The following STAMBPL1 variants were observed in gnomAD, a reference collection of about 807,000 sequenced individuals.
The protein encoded by STAMBPL1 is AMSH-like protease.
STAMBPL1 carries 44 observed loss-of-function variants against 52.9 expected under a neutral mutation model. That is an observed-to-expected ratio of 0.83 (90% confidence interval 0.65 to 1.07). The LOEUF is 1.07. STAMBPL1 is among the 50% of genes least tolerant of loss of function. The probability of loss-of-function intolerance (pLI) is 0.00; values close to 1 mark genes in which losing one functional copy is unlikely to be tolerated. For synonymous variants in STAMBPL1, 164 were observed against 177.3 expected (o/e 0.92, Z 0.60); for missense variants, 511 against 520.8 (o/e 0.98, Z 0.18).
intron 1 of STAMBPL1, among the ~76,000 whole-genome samples, chr10:88,897,519 CA>C (rs1333104977): frequency 6.6e-6 from 1 of 152,146 alleles, no homozygotes; most frequent in Non-Finnish European, 1.5e-5. Context: ...AAACAGATCA[CA>C]AGGCTGTAGT....
At chr10:88,900,134 A>C (rs1490278349) in intron 1 of STAMBPL1, among the ~76,000 whole-genome samples, 2 of 152,180 alleles carry the variant, frequency 1.3e-5, no homozygotes, top group African/African-American at 4.8e-5. Flanking sequence ...GAGGGGAAAG[A>C]CTGGAATACA....
rs571630253 is a variant in STAMBPL1, at chr10:88,923,246, G to A, written c.*22G>A. On this transcript the variant is annotated 3_prime_UTR_variant, in exon 11 of 11. Coordinates refer to ENST00000371926, the MANE Select transcript of STAMBPL1 (RefSeq NM_020799.4). ...GTGATATGTTCTGAATGTAAGCACC[G>A]TCAACATCAGACACCTACTCATGGA... 2.2e-5 allele frequency: 35 copies of A among 1,583,984 alleles called. No homozygotes were observed. Among genetic ancestry groups the A allele is most frequent in the African/African-American group, 1.9e-4 (14 of 73,270 alleles).
At chr10:88,880,806 T>C (rs911185299) in intron 1 of STAMBPL1, among the ~76,000 whole-genome samples, 168 bp downstream of exon 1, 2 of 152,136 alleles carry the variant, frequency 1.3e-5, no homozygotes, top group South Asian at 4.1e-4. Context: ...GCTGATCGCT[T>C]CCTTCCTGCC....
At chr10:88,902,059 C>T (rs528485386) in intron 2 of STAMBPL1, among the ~76,000 whole-genome samples, 1 of 152,294 alleles carries the variant, frequency 6.6e-6, no homozygotes, top group South Asian at 2.1e-4. Context: ...CTTTGTGCCT[C>T]AGCTACTTTA....
intron 10 of STAMBPL1, among the ~76,000 whole-genome samples, chr10:88,922,881 G>A (rs940505765): frequency 2.0e-5 from 3 of 151,822 alleles, no homozygotes; most frequent in Non-Finnish European, 4.4e-5. Context: ...ATTTGACTAC[G>A]CCTTTTTTTT....
chr10:88,894,103 T>C (rs933774722), intron 1 of STAMBPL1, among the ~76,000 whole-genome samples: 1 of 152,186 alleles, frequency 6.6e-6, no homozygotes. Context: ...GTGCTATATG[T>C]TTTACAAGCA....
At position 88,908,165 on chromosome 10, in the gene STAMBPL1, G is replaced by A. The variant is rs2231783; in HGVS notation, c.249-537G>A. Reference sequence around the variant, plus strand: ...TGCTGCTGTCTCTTGTTCCTCAAACGGTGACGAAAAATAATGAATTCCTAA... The same window carrying A: ...TGCTGCTGTCTCTTGTTCCTCAAACAGTGACGAAAAATAATGAATTCCTAA... On this transcript the variant is annotated intron_variant, in intron 3 of 10. Transcript: ENST00000371926. Among the ~76,000 whole-genome samples the A allele has an allele frequency of 8.8e-3, 1,346 of 152,222 alleles. 12 individuals carry two copies. The highest frequency in any genetic ancestry group is 0.02 in the Middle Eastern group (6 of 294).
Position 88,916,835 on chromosome 10 carries a change from G to T in STAMBPL1, c.1041+18G>T. 6.6e-7 allele frequency: 1 copy of T among 1,516,462 alleles called. No homozygotes were observed. The highest frequency in any genetic ancestry group is 8.9e-7 in the Non-Finnish European group (1 of 1,128,168). The allele number at this position is 1,516,462 out of a possible 1,614,324, so 93.9% of individuals were successfully genotyped here. On this transcript the variant is annotated intron_variant, in intron 8 of 10. Transcript: ENST00000371926. ...GGATCCATGTACGTTTGACCTTTTG[G>T]GTTTCAGTTTTTTTGTGTGTGTGGC...
Position 88,916,676 on chromosome 10 carries a change from T to A in STAMBPL1, c.904-4T>A. ...ATGTCATTCTTTCTGCTATTGTTTTTTAGACACATAATGAATTTACTATTA... is the reference window on the plus strand; with the variant it reads ...ATGTCATTCTTTCTGCTATTGTTTTATAGACACATAATGAATTTACTATTA... On this transcript the variant is annotated splice_polypyrimidine_tract_variant and splice_region_variant and intron_variant, in intron 7 of 10. Transcript: ENST00000371926. 1 of 1,592,392 alleles carries A rather than the reference T, an allele frequency of 6.3e-7. No homozygotes were observed. The highest frequency in any genetic ancestry group is 1.4e-5 in the African/African-American group (1 of 73,374).
chr10:88,894,245 A>G (rs754133262), intron 1 of STAMBPL1, among the ~76,000 whole-genome samples: 1 of 152,168 alleles, frequency 6.6e-6, no homozygotes, highest in Non-Finnish European at 1.5e-5. Flanking sequence ...TGGAGACTGC[A>G]TGTCTAATCC....
At chr10:88,892,208 CTG>C (rs1444520351) in intron 1 of STAMBPL1, among the ~76,000 whole-genome samples, 1 of 152,100 alleles carries the variant, frequency 6.6e-6, no homozygotes, top group Non-Finnish European at 1.5e-5. Context: ...GGGTTTGTAA[CTG>C]TTTAATGCAG....
Position 88,913,459 on chromosome 10 carries a change from G to A in STAMBPL1, c.778+1G>A, listed in dbSNP as rs1845282359. 5 of 1,606,452 alleles carry A rather than the reference G, an allele frequency of 3.1e-6. No individual in the cohort carries two copies. The highest frequency in any genetic ancestry group is 4.3e-6 in the Non-Finnish European group (5 of 1,175,488). On this transcript the variant is annotated splice_donor_variant, in intron 6 of 10. Transcript: ENST00000371926. LOFTEE classifies it high-confidence loss of function. ...GCTGCTACTCTAAGTGCTGTTCAGA[G>A]TAAGTGATGAAATGCACCCATGTGA...
chr10:88,914,998 T>C (rs1273765994), intron 7 of STAMBPL1, among the ~76,000 whole-genome samples: 1 of 152,194 alleles, frequency 6.6e-6, no homozygotes, highest in East Asian at 1.9e-4. Context: ...TTGTAATTGT[T>C]AGTTTCACAT....
intron 7 of STAMBPL1, 31 bp downstream of exon 7, chr10:88,914,689 T>TAC: frequency 2.0e-6 from 2 of 984,998 alleles, no homozygotes; most frequent in Admixed American, 8.3e-5. Context: ...TATATATATA[T>TAC]ATATATCTGC....
chr10:88,890,905 A>C, intron 1 of STAMBPL1, among the ~76,000 whole-genome samples: 1 of 152,172 alleles, frequency 6.6e-6, no homozygotes, highest in Non-Finnish European at 1.5e-5. Context: ...TGGGCTACCA[A>C]TTCCTCTATT....
intron 4 of STAMBPL1, 66 bp downstream of exon 4, chr10:88,908,843 C>A: frequency 8.1e-7 from 1 of 1,241,732 alleles, no homozygotes; most frequent in Non-Finnish European, 1.1e-6. Context: ...TTGATTCACC[C>A]TTCCCCTTCC....
At chr10:88,904,776 CATT>C (rs902143734) in intron 2 of STAMBPL1, among the ~76,000 whole-genome samples, 2 of 152,002 alleles carry the variant, frequency 1.3e-5, no homozygotes, top group Admixed American at 6.5e-5. Flanking sequence ...AGTAACATAT[CATT>C]ATTTTCTTAG....
chr10:88,913,538 T>C (rs2133198898), intron 6 of STAMBPL1, 80 bp downstream of exon 6: 2 of 1,243,864 alleles, frequency 1.6e-6, no homozygotes, highest in East Asian at 2.3e-5. Context: ...GGGAGGGTCC[T>C]TCTCATTTCA....
At position 88,913,431 on chromosome 10, in the gene STAMBPL1, C is replaced by A; in HGVS notation, c.751C>A (p.Pro251Thr). 1 of 1,612,966 alleles carries A rather than the reference C, an allele frequency of 6.2e-7. No individual in the cohort carries two copies. Among genetic ancestry groups the A allele is most frequent in the Non-Finnish European group, 8.5e-7 (1 of 1,179,388 alleles). ...HSPPVNRALT[P>T]AATLSAVQNL... ...TCCTCCTGTAAACAGGGCCTTAACG[C>A]CAGCTGCTACTCTAAGTGCTGTTCA... The change falls in exon 6 of 11, where the codon CCA becomes ACA. Residue 251 changes from proline (P) to threonine (T), a missense_variant. Transcript: ENST00000371926.
Sources: gnomAD v4.1 joint callset for allele counts (sites outside exome capture counted in the v4.1 genomes callset) on GRCh38, gnomAD v4.1.1 for gene constraint, MANE v1.5 for transcripts, NCBI Gene and HGNC (gene_info 2026-07-23, HGNC 2026-07-21) for gene names.